The following CAMK4 variants were observed in gnomAD, a reference collection of about 807,000 sequenced individuals.
The protein encoded by CAMK4 is calcium/calmodulin dependent protein kinase IV.
CAMK4 carries 22 observed loss-of-function variants against 44.9 expected under a neutral mutation model. That is an observed-to-expected ratio of 0.49 (90% CI 0.35 to 0.70). CAMK4 has a LOEUF of 0.70. Among genes scored for constraint, CAMK4 ranks in the 30% least tolerant of loss-of-function variants. The pLI is 0.01. For missense variants in CAMK4, 498 were observed against 586.8 expected (o/e 0.85, Z 1.56); for synonymous variants, 218 against 215.4 (o/e 1.01, Z -0.11).
chr5:111,432,741 A>G (rs1753503813), intron 5 of CAMK4, among the ~76,000 whole-genome samples: 1 of 151,308 alleles, frequency 6.6e-6, no homozygotes, highest in Non-Finnish European at 1.5e-5. Context: ...TTCAGAGCAA[A>G]TTCTAGCCAT....
intron 1 of CAMK4, among the ~76,000 whole-genome samples, chr5:111,295,484 A>G (rs1391915980): frequency 6.6e-6 from 1 of 152,206 alleles, no homozygotes; most frequent in East Asian, 1.9e-4. Flanking sequence ...TTTATCCTTT[A>G]GCTTCCAGTT....
At chr5:111,303,199 C>A (rs1747808308) in intron 1 of CAMK4, among the ~76,000 whole-genome samples, 1 of 94,378 alleles carries the variant, frequency 1.1e-5, no homozygotes. Context: ...TCTCCTCCTC[C>A]AAAGGAACGC....
chr5:111,287,490 A>G (rs1271023650), intron 1 of CAMK4, among the ~76,000 whole-genome samples: 2 of 152,250 alleles, frequency 1.3e-5, no homozygotes, highest in African/African-American at 4.8e-5. Context: ...TGAATTTAAT[A>G]CTGTCAATGA....
At chr5:111,349,436 A>G (rs559151320) in intron 2 of CAMK4, among the ~76,000 whole-genome samples, 13 of 152,114 alleles carry the variant, frequency 8.5e-5, no homozygotes, top group African/African-American at 3.1e-4. Context: ...AGGGATTTTG[A>G]CAGACATGGC....
At chr5:111,453,694 A>G (rs968453610) in intron 7 of CAMK4, among the ~76,000 whole-genome samples, 1 of 152,232 alleles carries the variant, frequency 6.6e-6, no homozygotes, top group African/African-American at 2.4e-5. Flanking sequence ...GACAGGAGGC[A>G]CAGCAAGCCA....
At chr5:111,390,603 T>G (rs1035567032) in intron 4 of CAMK4, among the ~76,000 whole-genome samples, 1 of 152,228 alleles carries the variant, frequency 6.6e-6, no homozygotes, top group Admixed American at 6.5e-5. Context: ...ATGTTTTGAA[T>G]TGACCATTTT....
chr5:111,295,235 TAAG>T (rs764146552), intron 1 of CAMK4, among the ~76,000 whole-genome samples: 2 of 152,176 alleles, frequency 1.3e-5, no homozygotes, highest in Non-Finnish European at 2.9e-5. Flanking sequence ...ATAAACAGTG[TAAG>T]AAGGAGATGG....
At chr5:111,425,386 A>G (rs1020257599) in intron 5 of CAMK4, among the ~76,000 whole-genome samples, 2 of 152,218 alleles carry the variant, frequency 1.3e-5, no homozygotes, top group African/African-American at 4.8e-5. Flanking sequence ...GTGGTGCCAG[A>G]GCCTATGCAT....
intron 1 of CAMK4, among the ~76,000 whole-genome samples, chr5:111,232,335 A>G (rs1210391090): frequency 6.6e-6 from 1 of 152,202 alleles, no homozygotes; most frequent in Admixed American, 6.5e-5. Flanking sequence ...CAGAGTTGTG[A>G]CAGAGAGGAC....
intron 2 of CAMK4, among the ~76,000 whole-genome samples, chr5:111,349,538 C>T (rs544863367): frequency 3.9e-3 from 586 of 151,866 alleles, no homozygotes; most frequent in Non-Finnish European, 6.8e-3. Flanking sequence ...AAAATAAATT[C>T]GAGAAAGTGT....
intron 2 of CAMK4, among the ~76,000 whole-genome samples, chr5:111,359,965 A>G (rs1337183354): frequency 6.6e-6 from 1 of 152,076 alleles, no homozygotes; most frequent in Non-Finnish European, 1.5e-5. Flanking sequence ...CAAGATTATC[A>G]TCCTCATCTT....
At position 111,473,357 on chromosome 5, in the gene CAMK4, G is replaced by A. The variant is rs1159534163; in HGVS notation, c.672G>A (p.Met224Ile). 6.2e-7 allele frequency: 1 copy of A among 1,611,776 alleles called. No homozygotes were observed. The highest frequency in any genetic ancestry group is 2.2e-5 in the East Asian group (1 of 44,826). The change falls in exon 8 of 11, where the codon ATG (methionine) becomes ATA (isoleucine). Residue 224 changes from methionine (M) to isoleucine (I), a missense_variant. Around this residue, in one of 3 missense-constraint regions of CAMK4, gnomAD observed 203 missense variants for 298.2 expected, o/e 0.68. Coordinates refer to ENST00000282356, the MANE Select transcript of CAMK4 (RefSeq NM_001744.6). ...RGCAYGPEVDMWSVGIITYIL... is the reference protein window; with the variant it reads ...RGCAYGPEVDIWSVGIITYIL... ...GTGCCTATGGACCTGAGGTGGACATGTGGTCTGTAGGAATAATCACCTACA... is the reference window on the plus strand; with the variant it reads ...GTGCCTATGGACCTGAGGTGGACATATGGTCTGTAGGAATAATCACCTACA...
chr5:111,332,300 A>G (rs970947852), intron 1 of CAMK4, among the ~76,000 whole-genome samples: 18 of 134,156 alleles, frequency 1.3e-4, no homozygotes, highest in African/African-American at 4.8e-4. Context: ...TCATTGTTCA[A>G]TTCCTATCTA....
intron 1 of CAMK4, among the ~76,000 whole-genome samples, chr5:111,270,576 C>G (rs1208109445): frequency 6.6e-6 from 1 of 152,206 alleles, no homozygotes; most frequent in Admixed American, 6.5e-5. Flanking sequence ...TCTTCTTCAG[C>G]CTTTGGCTCC....
chr5:111,299,293 G>A (rs1747621475), intron 1 of CAMK4, among the ~76,000 whole-genome samples: 1 of 152,226 alleles, frequency 6.6e-6, no homozygotes, highest in African/African-American at 2.4e-5. Context: ...TTGGCTGGGA[G>A]CCACTATTGT....
rs200411085 is a variant in CAMK4, at chr5:111,394,686, G to C, written c.387-24G>C. On this transcript the variant is annotated intron_variant, in intron 4 of 10. Transcript: ENST00000282356. ...TCTTCTGAATGAATGTGCCTGAGAAGCATTTCCTTTCTTTTTGTTCCAGGA... is the reference window on the plus strand; with the variant it reads ...TCTTCTGAATGAATGTGCCTGAGAACCATTTCCTTTCTTTTTGTTCCAGGA... 6 of 1,542,072 alleles carry C rather than the reference G, an allele frequency of 3.9e-6. No individual in the cohort carries two copies. In the East Asian group the frequency reaches 1.4e-4, roughly 35 times the overall value.
intron 1 of CAMK4, among the ~76,000 whole-genome samples, chr5:111,264,905 G>A (rs1428362978): frequency 6.6e-6 from 1 of 152,038 alleles, no homozygotes; most frequent in Non-Finnish European, 1.5e-5. Context: ...AGATCCCTCT[G>A]TAAGTTTCCA....
chr5:111,406,471 G>A (rs1752435587), intron 5 of CAMK4, among the ~76,000 whole-genome samples: 1 of 152,062 alleles, frequency 6.6e-6, no homozygotes. Context: ...TGATCCACCT[G>A]CCTCGGCCTC....
chr5:111,253,317 T>C (rs980218516), intron 1 of CAMK4, among the ~76,000 whole-genome samples: 14 of 152,298 alleles, frequency 9.2e-5, no homozygotes, highest in African/African-American at 3.4e-4. Flanking sequence ...GTGCTGATGG[T>C]GCTTTTCTAG....
Sources: allele counts gnomAD v4.1 joint callset (sites outside exome capture counted in the v4.1 genomes callset), GRCh38; gene constraint gnomAD v4.1.1; regional missense constraint gnomAD v4.1.1; transcripts MANE v1.5; gene names NCBI Gene and HGNC (gene_info 2026-07-23, HGNC 2026-07-21).